Variants in CMSS1 observed in about 807,000 individuals in gnomAD.
CMSS1 encodes cms1 ribosomal small subunit homolog.
A neutral mutation model predicts 43.5 loss-of-function variants in CMSS1; 33 were observed. The ratio of observed to expected loss-of-function variants is 0.76; its 90% CI spans 0.57 to 1.01. The LOEUF is 1.01. Ranked by LOEUF, CMSS1 falls within the 50% of genes least tolerant of loss-of-function variation. CMSS1 has a pLI of 0.00. For missense variants in CMSS1, 313 were observed against 326.4 expected (o/e 0.96, Z 0.32); for synonymous variants, 115 against 117.2 (o/e 0.98, Z 0.12).
At chr3:100,017,128 G>A (rs1056771187) in intron 1 of CMSS1, among the ~76,000 whole-genome samples, 2 of 152,060 alleles carry the variant, frequency 1.3e-5, no homozygotes, top group Non-Finnish European at 2.9e-5. Flanking sequence ...GATATTTCCT[G>A]AAAATGTTTG....
chr3:100,037,970 A>AT (rs2065138937), intron 1 of CMSS1, among the ~76,000 whole-genome samples: 1 of 142,106 alleles, frequency 7.0e-6, no homozygotes, highest in Admixed American at 7.1e-5. Flanking sequence ...GGGGGAGGGA[A>AT]CAGAGTCTCA....
At chr3:100,059,708 A>C (rs2065527461) in intron 1 of CMSS1, among the ~76,000 whole-genome samples, 1 of 152,224 alleles carries the variant, frequency 6.6e-6, no homozygotes, top group South Asian at 2.1e-4. Context: ...CAGTCATTAC[A>C]CAACTCCAGC....
At chr3:100,082,101 T>C (rs1261882459) in intron 1 of CMSS1, among the ~76,000 whole-genome samples, 1 of 152,216 alleles carries the variant, frequency 6.6e-6, no homozygotes, top group Non-Finnish European at 1.5e-5. Flanking sequence ...CCTAGACATT[T>C]TTAGTTCAGT....
At chr3:100,019,310 T>C (rs2064762047) in intron 1 of CMSS1, among the ~76,000 whole-genome samples, 1 of 152,044 alleles carries the variant, frequency 6.6e-6, no homozygotes, top group Non-Finnish European at 1.5e-5. Flanking sequence ...CAGTAAGCTA[T>C]GATCATGCCA....
chr3:100,158,809 T>C (rs1289272050), intron 2 of CMSS1, among the ~76,000 whole-genome samples: 1 of 152,238 alleles, frequency 6.6e-6, no homozygotes, highest in Non-Finnish European at 1.5e-5. Context: ...CTAGATTTAA[T>C]TTATGTCATG....
intron 1 of CMSS1, among the ~76,000 whole-genome samples, chr3:100,073,252 T>C: frequency 6.6e-6 from 1 of 152,188 alleles, no homozygotes; most frequent in East Asian, 1.9e-4. Flanking sequence ...CATTTATTTA[T>C]ATATTATCTG....
intron 1 of CMSS1, among the ~76,000 whole-genome samples, chr3:99,824,163 C>T (rs1006160899): frequency 6.6e-6 from 1 of 152,152 alleles, no homozygotes; most frequent in East Asian, 1.9e-4. Context: ...GCTCTTGATC[C>T]GCCCGCCTCA....
At chr3:99,938,446 C>A (rs535716057) in intron 1 of CMSS1, among the ~76,000 whole-genome samples, 1 of 152,168 alleles carries the variant, frequency 6.6e-6, no homozygotes, top group African/African-American at 2.4e-5. Flanking sequence ...GCTAACTGTA[C>A]GACACTCATG....
chr3:100,139,408 A>G (rs997448682), intron 1 of CMSS1, among the ~76,000 whole-genome samples: 4 of 149,650 alleles, frequency 2.7e-5, no homozygotes, highest in African/African-American at 9.9e-5. Context: ...GAGGCCAGGC[A>G]TGGTGGCTCA....
intron 1 of CMSS1, among the ~76,000 whole-genome samples, chr3:99,917,495 G>A (rs948827691): frequency 6.6e-6 from 1 of 152,164 alleles, no homozygotes; most frequent in East Asian, 1.9e-4. Flanking sequence ...TTAGCTGGAA[G>A]ATTTGGTGAC....
At chr3:99,983,462 G>GTA (rs1466852207) in intron 1 of CMSS1, among the ~76,000 whole-genome samples, 265 of 11,886 alleles carry the variant, frequency 0.022, 9 homozygotes, top group African/African-American at 0.044. Flanking sequence ...ATATATATGT[G>GTA]TGTATATATA....
At chr3:99,951,131 C>A (rs977241777) in intron 1 of CMSS1, among the ~76,000 whole-genome samples, 2 of 152,200 alleles carry the variant, frequency 1.3e-5, no homozygotes, top group Admixed American at 6.5e-5. Context: ...TTTGCCTGTG[C>A]TGTGCTCACT....
intron 1 of CMSS1, among the ~76,000 whole-genome samples, chr3:99,963,736 C>T (rs1234946332): frequency 6.6e-6 from 1 of 151,956 alleles, no homozygotes; most frequent in Non-Finnish European, 1.5e-5. Context: ...CCTGTCTCAG[C>T]TTCCTGAGTA....
chr3:100,140,388 T>C (rs2066795055), intron 1 of CMSS1, among the ~76,000 whole-genome samples: 1 of 152,190 alleles, frequency 6.6e-6, no homozygotes, highest in Non-Finnish European at 1.5e-5. Context: ...TGATCCTTTT[T>C]CTGCCTCTAT....
At chr3:99,950,552 T>C (rs2107688105) in intron 1 of CMSS1, among the ~76,000 whole-genome samples, 1 of 152,286 alleles carries the variant, frequency 6.6e-6, no homozygotes, top group East Asian at 1.9e-4. Context: ...AGCTACAAAA[T>C]TTCATTCATC....
In CMSS1 at chr3:99,834,234, C is replaced by G. The variant is rs537770061; in HGVS notation, c.64+16191C>G. Reference sequence around the variant, plus strand: ...CAGGAAAGGGTCTTTCAAAGGAAAGCTGTTTGATTTTATTAGCTCATTCTC... The same window carrying G: ...CAGGAAAGGGTCTTTCAAAGGAAAGGTGTTTGATTTTATTAGCTCATTCTC... On this transcript the variant is annotated intron_variant, in intron 1 of 9. Coordinates refer to ENST00000421999, the MANE Select transcript of CMSS1 (RefSeq NM_032359.4). Among the ~76,000 whole-genome samples, 41 of 152,296 alleles carry G rather than the reference C, an allele frequency of 2.7e-4. No homozygotes were observed. In the South Asian group the frequency reaches 6.8e-3, roughly 25 times the overall value.
At chr3:99,987,443 C>G (rs1029986023) in intron 1 of CMSS1, among the ~76,000 whole-genome samples, 1 of 149,812 alleles carries the variant, frequency 6.7e-6, no homozygotes, top group Admixed American at 6.7e-5. Flanking sequence ...ACAGGAGACT[C>G]TCTTGAACCC....
intron 6 of CMSS1, among the ~76,000 whole-genome samples, chr3:100,170,559 A>G (rs558538573): frequency 6.6e-6 from 1 of 152,226 alleles, no homozygotes; most frequent in East Asian, 1.9e-4. Context: ...TTTAAGAAGA[A>G]AAAAAAAGAG....
Position 99,923,466 on chromosome 3 carries a change from G to A in CMSS1, c.64+105423G>A, listed in dbSNP as rs540877134. Among the ~76,000 whole-genome samples the A allele has an allele frequency of 9.1e-4, 138 of 152,266 alleles. 1 individual carries two copies. Among genetic ancestry groups the A allele is most frequent in the South Asian group, 6.0e-3 (29 of 4,820 alleles). ...CCCATATTTCATATGTTCCTGAATA[G>A]CCAGGAGTGCTTCTCAGTAACTCCT... is the stretch of plus-strand genomic sequence containing the variant. On this transcript the variant is annotated intron_variant, in intron 1 of 9. Transcript: ENST00000421999.
Sources: gnomAD v4.1 joint callset for allele counts (sites outside exome capture counted in the v4.1 genomes callset) on GRCh38, gnomAD v4.1.1 for gene constraint, MANE v1.5 for transcripts, NCBI Gene and HGNC (gene_info 2026-07-23, HGNC 2026-07-21) for gene names.